MEGF9: variants seen among roughly 807,000 people sequenced by gnomAD.
The protein encoded by MEGF9 is multiple EGF like domains 9, also known as multiple epidermal growth factor-like domains protein 9.
Under a neutral mutation model 46.8 loss-of-function variants are expected in MEGF9, and 6 were observed. The observed-to-expected ratio is 0.13, with a 90% CI of 0.07 to 0.25. MEGF9 has a LOEUF of 0.25. MEGF9 is among the 10% of genes least tolerant of loss of function. The pLI is 1.00. For synonymous variants in MEGF9, 302 were observed against 330.7 expected (o/e 0.91, Z 0.94); for missense variants, 683 against 792.4 (o/e 0.86, Z 1.66).
chr9:120,648,009 C>T (rs1162114189), intron 2 of MEGF9, among the ~76,000 whole-genome samples: 1 of 152,122 alleles, frequency 6.6e-6, no homozygotes. Context: ...TAAATTCTCT[C>T]ATTTCCAGCA....
At chr9:120,651,916 G>A (rs2043651550) in intron 2 of MEGF9, among the ~76,000 whole-genome samples, 2 of 151,624 alleles carry the variant, frequency 1.3e-5, no homozygotes, top group South Asian at 4.2e-4. Context: ...CTCCCAAAGT[G>A]CTGGGATTAC....
At chr9:120,707,824 T>C (rs2043935458) in intron 1 of MEGF9, among the ~76,000 whole-genome samples, 3 of 151,772 alleles carry the variant, frequency 2.0e-5, no homozygotes, top group South Asian at 4.2e-4. Flanking sequence ...AGGCAGATCA[T>C]TTGAGGTCAG....
chr9:120,711,052 T>C (rs546487889), intron 1 of MEGF9, among the ~76,000 whole-genome samples: 6 of 152,230 alleles, frequency 3.9e-5, no homozygotes, highest in Non-Finnish European at 8.8e-5. Flanking sequence ...TTAAAAGCCT[T>C]GAACAACAGT....
chr9:120,714,210 T>C lies in MEGF9; in HGVS notation c.149A>G (p.Gln50Arg). The change falls in exon 1 of 6, where the codon CAG becomes CGG. Residue 50 changes from glutamine to arginine, a missense_variant. Around this residue, in one of 2 missense-constraint regions of MEGF9, gnomAD observed 370 missense variants for 371.3 expected, o/e 1.00. Coordinates refer to ENST00000373930, the MANE Select transcript of MEGF9 (RefSeq NM_001080497.3). ...CCCGGGGCCCGGCGACGCGTCCACC[T>C]GCCCCGCGGCCCCGCCGCCACCGGT... ...NVTGGGGAAG[Q>R]VDASPGPGLR... 8.1e-7 allele frequency: 1 copy of C among 1,237,358 alleles called. No homozygotes were observed. The highest frequency in any genetic ancestry group is 3.9e-5 in the South Asian group (1 of 25,460). 76.6% of individuals were successfully genotyped at this position (1,237,358 alleles called of 1,614,324 possible). A position where few individuals can be genotyped will look rare whatever the true frequency, so the allele number is the denominator to read the frequency against.
rs374966823 is a variant in MEGF9, at chr9:120,605,217, C to T, written c.1782G>A (p.Thr594=). ...EVAPNGQLTL[T]TPIHNYKA ...AGGCTTTGTAGTTATGTATGGGCGT[C>T]GTCAGGGTCAGCTGCCCATTGGGAG... The change falls in exon 6 of 6, where the codon ACG becomes ACA. Residue 594 remains threonine, a synonymous_variant. Coordinates refer to ENST00000373930, the MANE Select transcript of MEGF9 (RefSeq NM_001080497.3). This position sits in a 1 kb window ranked among gnomAD's most constrained non-coding sequence, Gnocchi z 4.0. 8.7e-6 allele frequency: 14 copies of T among 1,613,650 alleles called. No homozygotes were observed. The highest frequency in any genetic ancestry group is 2.7e-5 in the African/African-American group (2 of 74,914).
Position 120,674,451 on chromosome 9 carries a change from GA to G in MEGF9, c.602-14877del, listed in dbSNP as rs2043763848. On this transcript the variant is annotated intron_variant, in intron 1 of 5. Coordinates refer to ENST00000373930, the MANE Select transcript of MEGF9 (RefSeq NM_001080497.3). ...ATGACATACTACTACACATCTAAGA[GA>G]ATGGCAAATTTCAAAAAACTGTCAA... 2.0e-5 allele frequency among the ~76,000 whole-genome samples: 3 copies of G among 152,174 alleles called. No individual in the cohort carries two copies. The South Asian group carries it at 6.2e-4, about 32-fold the overall frequency.
chr9:120,612,156 G>T (rs761528204), intron 4 of MEGF9, among the ~76,000 whole-genome samples: 16 of 152,116 alleles, frequency 1.1e-4, no homozygotes, highest in South Asian at 4.1e-4. Context: ...GTGAGCAAAA[G>T]TTGCTCAGTC....
chr9:120,646,415 A>C (rs1241558717), intron 2 of MEGF9, among the ~76,000 whole-genome samples: 1 of 151,558 alleles, frequency 6.6e-6, no homozygotes, highest in African/African-American at 2.4e-5. Flanking sequence ...TCCTGTCCCC[A>C]CTCCTCTTCC....
At chr9:120,632,823 G>A (rs547458039) in intron 2 of MEGF9, among the ~76,000 whole-genome samples, 2 of 152,262 alleles carry the variant, frequency 1.3e-5, no homozygotes, top group African/African-American at 4.8e-5. Flanking sequence ...TTTATCAAAT[G>A]CTTTTTCTGC....
chr9:120,673,229 A>G (rs530373953), intron 1 of MEGF9, among the ~76,000 whole-genome samples: 1 of 152,306 alleles, frequency 6.6e-6, no homozygotes, highest in East Asian at 1.9e-4. Flanking sequence ...AAACAAAAAG[A>G]TCTAAAAATA....
chr9:120,707,492 T>C (rs1454624996), intron 1 of MEGF9, among the ~76,000 whole-genome samples: 1 of 152,192 alleles, frequency 6.6e-6, no homozygotes, highest in Non-Finnish European at 1.5e-5. Context: ...CCCAATTCAC[T>C]GGAATGTATT....
At chr9:120,655,515 T>C (rs1265838418) in intron 2 of MEGF9, among the ~76,000 whole-genome samples, 1 of 152,200 alleles carries the variant, frequency 6.6e-6, no homozygotes, top group Admixed American at 6.5e-5. Context: ...ATCTCCACCA[T>C]TAAGTAACGT....
Position 120,612,444 on chromosome 9 carries a change from G to C in MEGF9, c.1039C>G (p.Leu347Val). ...YQSPDATKEC[L>V]RCPCSAVTST... ...GTCACTGCTGAACAAGGGCAGCGAA[G>C]ACATTCTTTAGTGGCATCAGGACTC... Residue 347 changes from leucine (L) to valine (V), a missense_variant, in exon 4 of 6, where the codon CTT (leucine) becomes GTT (valine). Coordinates refer to ENST00000373930, the MANE Select transcript of MEGF9 (RefSeq NM_001080497.3). 1 of 1,613,674 alleles carries C rather than the reference G, an allele frequency of 6.2e-7. No homozygotes were observed. Among genetic ancestry groups the C allele is most frequent in the Non-Finnish European group, 8.5e-7 (1 of 1,179,718 alleles).
At chr9:120,608,034 G>A (rs2043427360) in intron 4 of MEGF9, 24 bp from the exon 5 acceptor site, 14 of 1,610,290 alleles carry the variant, frequency 8.7e-6, no homozygotes, top group Non-Finnish European at 1.0e-5. Flanking sequence ...TGCCAAAATA[G>A]TTTAGTACAG....
intron 1 of MEGF9, among the ~76,000 whole-genome samples, chr9:120,687,682 G>A (rs1439109222): frequency 6.7e-6 from 1 of 150,042 alleles, no homozygotes; most frequent in Non-Finnish European, 1.5e-5. Context: ...GTGTGTGTGT[G>A]TGTGTGTGTG....
At chr9:120,689,868 T>C (rs2043840629) in intron 1 of MEGF9, 5 of 490,896 alleles carry the variant, frequency 1.0e-5, no homozygotes, top group Admixed American at 6.8e-5. Context: ...TACTTGCACA[T>C]TATGTCAATA....
At chr9:120,665,312 T>C (rs2043720257) in intron 1 of MEGF9, among the ~76,000 whole-genome samples, 2 of 152,076 alleles carry the variant, frequency 1.3e-5, no homozygotes, top group Non-Finnish European at 2.9e-5. Flanking sequence ...TTCAAGCGAT[T>C]CTCCTGCCTC....
intron 1 of MEGF9, among the ~76,000 whole-genome samples, chr9:120,669,664 G>C (rs989422299): frequency 1.3e-5 from 2 of 151,242 alleles, no homozygotes; most frequent in Non-Finnish European, 2.9e-5. Context: ...TTCTAAATTA[G>C]ATATATATCT....
chr9:120,627,917 T>C (rs2043532548), intron 2 of MEGF9, among the ~76,000 whole-genome samples: 1 of 152,228 alleles, frequency 6.6e-6, no homozygotes, highest in Admixed American at 6.5e-5. Flanking sequence ...ATCAATTTTC[T>C]TCTTCCTCCA....
Sources: gnomAD v4.1 joint callset for allele counts (sites outside exome capture counted in the v4.1 genomes callset) on GRCh38, gnomAD v4.1.1 for gene constraint, gnomAD v4.1.1 regional missense constraint, Gnocchi (gnomAD v3.1) non-coding constraint, MANE v1.5 for transcripts, NCBI Gene and HGNC (gene_info 2026-07-23, HGNC 2026-07-21) for gene names.